Variants in STAU1 observed in about 807,000 individuals in gnomAD.
The protein encoded by STAU1 is staufen double-stranded RNA binding protein 1, also known as double-stranded RNA-binding protein Staufen homolog 1.
Under a neutral mutation model 62.9 loss-of-function variants are expected in STAU1, and 13 were observed. That is an observed-to-expected ratio of 0.21 (90% CI 0.13 to 0.33). The LOEUF is 0.33. STAU1 is among the 10% of genes least tolerant of loss of function. The pLI is 1.00. For synonymous variants in STAU1, 269 were observed against 265.1 expected (o/e 1.01, Z -0.14); for missense variants, 571 against 712.1 (o/e 0.80, Z 2.25).
chr20:49,156,878 A>T (rs1481978321), intron 3 of STAU1, among the ~76,000 whole-genome samples: 1 of 147,206 alleles, frequency 6.8e-6, no homozygotes, highest in Non-Finnish European at 1.5e-5. Context: ...ATGCACTGAA[A>T]TTTTTTTTTT....
the STAU1 span, among the ~76,000 whole-genome samples, chr20:49,213,982 C>T: frequency 4.6e-5 from 7 of 152,154 alleles, no homozygotes; most frequent in African/African-American, 1.2e-4. Flanking sequence ...GAGGCCGAGG[C>T]GGGTGGGTCA....
chr20:49,195,898 C>CAAAAAAAAAAAAAAAAAAAAAAA, the STAU1 span, among the ~76,000 whole-genome samples: 11 of 33,860 alleles, frequency 3.2e-4, no homozygotes, highest in Non-Finnish European at 4.1e-4. Flanking sequence ...AACTTCCTCT[C>CAAAAAAAAAAAAAAAAAAAAAAA]AAAAAAAAAA....
At chr20:49,127,300 G>A (rs1206237862) in intron 6 of STAU1, among the ~76,000 whole-genome samples, 1 of 152,166 alleles carries the variant, frequency 6.6e-6, no homozygotes, top group African/African-American at 2.4e-5. Flanking sequence ...GTTGCAGTGA[G>A]CTGAGATGGC....
chr20:49,214,526 A>AC, the STAU1 span, among the ~76,000 whole-genome samples: 5 of 137,046 alleles, frequency 3.6e-5, no homozygotes, highest in East Asian at 6.9e-4. Flanking sequence ...TCAAAAAAAA[A>AC]AAAAAAACAA....
At chr20:49,155,011 A>T (rs549300529) in intron 3 of STAU1, among the ~76,000 whole-genome samples, 1 of 152,268 alleles carries the variant, frequency 6.6e-6, no homozygotes, top group South Asian at 2.1e-4. Flanking sequence ...GCCTGAACCC[A>T]GGAAGCAGAG....
intron 6 of STAU1, chr20:49,134,822 G>T: frequency 6.9e-7 from 1 of 1,455,232 alleles, no homozygotes. Context: ...TCCACTTCAC[G>T]CAATTTATAC....
In STAU1 at chr20:49,188,234, TGGCCGTG is replaced by T. The variant is rs1396032896; in HGVS notation, c.-285_-279del. 1.4e-5 allele frequency: 2 copies of T among 138,250 alleles called. No individual in the cohort carries two copies. The highest frequency in any genetic ancestry group is 3.1e-5 in the Non-Finnish European group (2 of 64,430). 8.6% of individuals were successfully genotyped at this position (138,250 alleles called of 1,614,324 possible). A position where few individuals can be genotyped will look rare whatever the true frequency, so the allele number is the denominator to read the frequency against. ...GGACGAAGGGAGGGAAGAGGCGGAGTGGCCGTGGAGGAGGCGGGCGCCGCCGGGCCGG... is the reference window on the plus strand; with the variant it reads ...GGACGAAGGGAGGGAAGAGGCGGAGTGAGGAGGCGGGCGCCGCCGGGCCGG... On this transcript the variant is annotated 5_prime_UTR_variant, in exon 1 of 14. Transcript: ENST00000371856.
chr20:49,135,118 A>G (rs1194830603), intron 6 of STAU1: 1 of 835,946 alleles, frequency 1.2e-6, no homozygotes, highest in East Asian at 2.5e-5. Flanking sequence ...TATAGAAGAG[A>G]GAAGAGCATG....
chr20:49,175,053 G>A (rs1216211058), intron 1 of STAU1, among the ~76,000 whole-genome samples: 1 of 152,214 alleles, frequency 6.6e-6, no homozygotes, highest in Non-Finnish European at 1.5e-5. Flanking sequence ...CTACTTGGCA[G>A]GCTGAAGCAG....
At chr20:49,139,500 G>A (rs1405828708) in intron 5 of STAU1, among the ~76,000 whole-genome samples, 4 of 152,154 alleles carry the variant, frequency 2.6e-5, no homozygotes, top group Non-Finnish European at 5.9e-5. Flanking sequence ...CGAAGCAGGT[G>A]GGTCACCTGA....
the STAU1 span, among the ~76,000 whole-genome samples, chr20:49,207,371 G>T: frequency 6.6e-6 from 1 of 152,214 alleles, no homozygotes; most frequent in African/African-American, 2.4e-5. Context: ...TGTGAGTGGA[G>T]CAGGGTTAGT....
chr20:49,182,563 G>A (rs1224996347), intron 1 of STAU1, among the ~76,000 whole-genome samples: 1 of 152,194 alleles, frequency 6.6e-6, no homozygotes, highest in Non-Finnish European at 1.5e-5. Flanking sequence ...GGTATGCCGG[G>A]CACAGTGGCT....
Position 49,114,769 on chromosome 20 carries a change from C to A in STAU1, c.*109G>T. 1 of 1,022,188 alleles carries A rather than the reference C, an allele frequency of 9.8e-7. No homozygotes were observed. The highest frequency in any genetic ancestry group is 1.5e-6 in the Non-Finnish European group (1 of 662,634). The allele number at this position is 1,022,188 out of a possible 1,614,324, so 63.3% of individuals were successfully genotyped here. ...GCTGCTGCCCACATCCTTTACCCAC[C>A]GTGTCTCTCGGCCCACTGGAGGTAT... On this transcript the variant is annotated 3_prime_UTR_variant, in exon 14 of 14. Transcript: ENST00000371856.
chr20:49,148,392 G>C (rs1181137823), intron 5 of STAU1, among the ~76,000 whole-genome samples: 1 of 152,078 alleles, frequency 6.6e-6, no homozygotes, highest in African/African-American at 2.4e-5. Context: ...GTTTAGACTT[G>C]GGTCCCATTC....
At chr20:49,135,221 T>C (rs2092851612) in intron 6 of STAU1, among the ~76,000 whole-genome samples, 1 of 152,262 alleles carries the variant, frequency 6.6e-6, no homozygotes, top group African/African-American at 2.4e-5. Flanking sequence ...AGCATTAAGC[T>C]GGCGCTTAAT....
chr20:49,139,025 AG>A (rs1434408894), intron 5 of STAU1, among the ~76,000 whole-genome samples: 3 of 152,194 alleles, frequency 2.0e-5, no homozygotes, highest in Non-Finnish European at 4.4e-5. Flanking sequence ...AAATGGTGCT[AG>A]GAAAACTAGA....
chr20:49,147,399 T>C (rs1337419345), intron 5 of STAU1, among the ~76,000 whole-genome samples: 1 of 152,236 alleles, frequency 6.6e-6, no homozygotes, highest in Non-Finnish European at 1.5e-5. Context: ...GCATATCTTC[T>C]AGAGAAGATG....
chr20:49,158,310 T>C (rs2093396091), intron 3 of STAU1: 3 of 642,414 alleles, frequency 4.7e-6, no homozygotes, highest in African/African-American at 1.9e-5. Flanking sequence ...TAATTGAAGC[T>C]TTTATTCTTC....
intron 1 of STAU1, among the ~76,000 whole-genome samples, chr20:49,175,896 G>A (rs2093654813): frequency 6.8e-6 from 1 of 146,548 alleles, no homozygotes; most frequent in Admixed American, 7.0e-5. Flanking sequence ...CAGGGTTCAC[G>A]CCATTCTCCT....
Sources: gnomAD v4.1 joint callset for allele counts (sites outside exome capture counted in the v4.1 genomes callset) on GRCh38, gnomAD v4.1.1 for gene constraint, MANE v1.5 for transcripts, NCBI Gene and HGNC (gene_info 2026-07-23, HGNC 2026-07-21) for gene names.